ASIC2: variants seen among roughly 807,000 people sequenced by gnomAD.
The protein encoded by ASIC2 is acid sensing ion channel subunit 2, also known as acid-sensing ion channel 2.
In ASIC2, 25 loss-of-function variants were observed where a neutral mutation model predicts 57.3. The observed-to-expected ratio is 0.44, with a 90% CI of 0.32 to 0.61. ASIC2 has a LOEUF of 0.61. Ranked by LOEUF, ASIC2 falls within the 20% of genes least tolerant of loss-of-function variation. The probability of loss-of-function intolerance (pLI) is 0.06; values close to 1 mark genes in which losing one functional copy is unlikely to be tolerated. For synonymous variants in ASIC2, 319 were observed against 307.5 expected (o/e 1.04, Z -0.39); for missense variants, 641 against 738.1 (o/e 0.87, Z 1.52).
intron 1 of ASIC2, among the ~76,000 whole-genome samples, chr17:33,221,213 C>G (rs2346686): frequency 0.71 from 108,752 of 152,142 alleles, 39,108 homozygotes; most frequent in Middle Eastern, 0.8. Flanking sequence ...GGCCAAGTCA[C>G]TTTCCCACTC....
chr17:34,093,931 G>A (rs1407172445), intron 1 of ASIC2, among the ~76,000 whole-genome samples: 1 of 152,070 alleles, frequency 6.6e-6, no homozygotes, highest in Non-Finnish European at 1.5e-5. Flanking sequence ...CGAACCCCTG[G>A]AGCCCTTACC....
At chr17:33,642,262 T>C (rs1178028239) in intron 1 of ASIC2, among the ~76,000 whole-genome samples, 1 of 142,350 alleles carries the variant, frequency 7.0e-6, no homozygotes, top group Non-Finnish European at 1.5e-5. Context: ...CTCAATACAG[T>C]GAAACTTGGG....
intron 1 of ASIC2, among the ~76,000 whole-genome samples, chr17:33,578,358 A>AT (rs1916709337): frequency 6.6e-6 from 1 of 152,112 alleles, no homozygotes; most frequent in Non-Finnish European, 1.5e-5. Flanking sequence ...CTGAGCCTTA[A>AT]TTTTTATTTA....
At chr17:34,150,196 T>G (rs909377372) in intron 1 of ASIC2, among the ~76,000 whole-genome samples, 2 of 152,066 alleles carry the variant, frequency 1.3e-5, no homozygotes, top group Non-Finnish European at 2.9e-5. Flanking sequence ...GTCAAACTCA[T>G]AGAAACAGAG....
At chr17:33,377,297 T>A (rs11658139) in intron 1 of ASIC2, among the ~76,000 whole-genome samples, 1 of 152,116 alleles carries the variant, frequency 6.6e-6, no homozygotes, top group Non-Finnish European at 1.5e-5. Context: ...GGGATCCACC[T>A]GCCTCAGCCT....
intron 3 of ASIC2, among the ~76,000 whole-genome samples, chr17:33,064,440 G>A (rs2092034454): frequency 6.6e-6 from 1 of 152,214 alleles, no homozygotes; most frequent in African/African-American, 2.4e-5. Context: ...GACCCTGTTT[G>A]CCTGGGTAAT....
intron 1 of ASIC2, among the ~76,000 whole-genome samples, chr17:33,867,813 CA>C (rs1027489505): frequency 1.3e-5 from 2 of 152,166 alleles, no homozygotes; most frequent in African/African-American, 4.8e-5. Flanking sequence ...TTTACCTTAT[CA>C]AGGCAGACAG....
intron 1 of ASIC2, among the ~76,000 whole-genome samples, chr17:33,204,879 G>A (rs1226359390): frequency 6.6e-6 from 1 of 151,954 alleles, no homozygotes; most frequent in Non-Finnish European, 1.5e-5. Flanking sequence ...CACTGAGGAA[G>A]CAGAGCCAGA....
intron 1 of ASIC2, among the ~76,000 whole-genome samples, chr17:33,573,025 A>C (rs973977809): frequency 3.3e-5 from 5 of 152,204 alleles, no homozygotes; most frequent in African/African-American, 1.2e-4. Context: ...TTCCAGAAAG[A>C]TAGATTTCCT....
chr17:33,161,117 C>T (rs535436309), intron 1 of ASIC2, among the ~76,000 whole-genome samples: 163 of 152,288 alleles, frequency 1.1e-3, no homozygotes, highest in African/African-American at 3.7e-3. Context: ...AGATAAAGGC[C>T]TGCTCCAGGG....
chr17:33,464,271 C>T (rs1667329588), intron 1 of ASIC2, among the ~76,000 whole-genome samples: 2 of 152,194 alleles, frequency 1.3e-5, no homozygotes, highest in South Asian at 2.1e-4. Context: ...TCTATGAAGC[C>T]TCTCACTAGT....
intron 9 of ASIC2, among the ~76,000 whole-genome samples, chr17:33,015,084 C>T (rs186272554): frequency 7.6e-4 from 116 of 152,208 alleles, no homozygotes; most frequent in African/African-American, 2.6e-3. Context: ...TGCAGGGGAC[C>T]GGAGAATCAA....
intron 1 of ASIC2, among the ~76,000 whole-genome samples, chr17:33,181,024 A>T (rs1905960038): frequency 6.6e-6 from 1 of 152,126 alleles, no homozygotes; most frequent in Admixed American, 6.6e-5. Context: ...GAAAAATAAA[A>T]ACCTCTTTGT....
chr17:33,399,040 T>C (rs986943597), intron 1 of ASIC2, among the ~76,000 whole-genome samples: 29 of 152,264 alleles, frequency 1.9e-4, no homozygotes, highest in East Asian at 1.2e-3. Flanking sequence ...TTCTACTCTG[T>C]ATCCAGAGAA....
chr17:33,918,969 T>C (rs1915649228), intron 1 of ASIC2, among the ~76,000 whole-genome samples: 1 of 152,184 alleles, frequency 6.6e-6, no homozygotes. Context: ...AGGGTCGTGA[T>C]GGGCAGTCTA....
intron 1 of ASIC2, among the ~76,000 whole-genome samples, chr17:33,772,933 A>G (rs948585496): frequency 1.3e-5 from 2 of 152,230 alleles, no homozygotes; most frequent in Admixed American, 6.5e-5. Context: ...GGCGGATTAA[A>G]AGCTATAAGG....
At chr17:33,756,017 A>C (rs553545018) in intron 1 of ASIC2, among the ~76,000 whole-genome samples, 4 of 152,250 alleles carry the variant, frequency 2.6e-5, no homozygotes, top group Non-Finnish European at 4.4e-5. Flanking sequence ...GCATGTGTGC[A>C]TGGTCAGTAC....
At position 33,745,809 on chromosome 17, in the gene ASIC2, A is replaced by G. The variant is rs926812787; in HGVS notation, c.555+410169T>C. On this transcript the variant is annotated intron_variant, in intron 1 of 9. Transcript: ENST00000359872. ...TGGAAAATACTAAAGGAAGTGCTTC[A>G]TGTTGAAAGTAAATAAGCCTAGATG... Among the ~76,000 whole-genome samples, 17 of 152,324 alleles carry G rather than the reference A, an allele frequency of 1.1e-4. No individual in the cohort carries two copies. The East Asian group carries it at 2.1e-3, about 19-fold the overall frequency.
intron 1 of ASIC2, among the ~76,000 whole-genome samples, chr17:33,457,179 AG>A (rs1307517059): frequency 6.6e-6 from 1 of 152,000 alleles, no homozygotes; most frequent in Admixed American, 6.6e-5. Context: ...AATAAATGTT[AG>A]CTATTTTTAG....
Sources: allele counts gnomAD v4.1 joint callset (sites outside exome capture counted in the v4.1 genomes callset), GRCh38; gene constraint gnomAD v4.1.1; transcripts MANE v1.5; gene names NCBI Gene and HGNC (gene_info 2026-07-23, HGNC 2026-07-21).